ATP2B2: variants seen among roughly 807,000 people sequenced by gnomAD.
ATP2B2 encodes the protein ATPase plasma membrane Ca2+ transporting 2.
In ATP2B2, 15 loss-of-function variants were observed where a neutral mutation model predicts 120.0. The observed-to-expected ratio is 0.12, with a 90% confidence interval of 0.08 to 0.19. ATP2B2 has a LOEUF of 0.19. Ranked by LOEUF, ATP2B2 falls within the 10% of genes least tolerant of loss-of-function variation. The probability of loss-of-function intolerance (pLI) is 1.00; values close to 1 mark genes in which losing one functional copy is unlikely to be tolerated. For missense variants in ATP2B2, 1,045 were observed against 1,719.8 expected (o/e 0.61, Z 6.94); for synonymous variants, 694 against 700.3 (o/e 0.99, Z 0.14).
chr3:10,374,302 T>G (rs1049056535), intron 11 of ATP2B2, among the ~76,000 whole-genome samples: 1 of 152,170 alleles, frequency 6.6e-6, no homozygotes, highest in African/African-American at 2.4e-5. Flanking sequence ...CTGTTTGGGC[T>G]TTGGTTTGTG....
chr3:10,365,802 ATGTGTTGTAT>A, intron 12 of ATP2B2, among the ~76,000 whole-genome samples: 3 of 256 alleles, frequency 0.012, no homozygotes, highest in Non-Finnish European at 0.028. Context: ...TGTATAGTGT[ATGTGTTGTAT>A]GTGCTGTGTG....
At chr3:10,577,031 GAC>G in intron 2 of ATP2B2, among the ~76,000 whole-genome samples, 1 of 143,276 alleles carries the variant, frequency 7.0e-6, no homozygotes, top group Non-Finnish European at 1.5e-5. Flanking sequence ...CAGCCTGGGT[GAC>G]AGAGTGAGAC....
intron 5 of ATP2B2, among the ~76,000 whole-genome samples, chr3:10,398,294 A>G (rs2062108583): frequency 6.6e-6 from 1 of 152,140 alleles, no homozygotes; most frequent in South Asian, 2.1e-4. Context: ...CTTCCTGCCC[A>G]CAAGGACATC....
chr3:10,332,924 A>G (rs1295435757), intron 22 of ATP2B2, among the ~76,000 whole-genome samples: 2 of 152,316 alleles, frequency 1.3e-5, no homozygotes, highest in South Asian at 2.1e-4. Context: ...GGGACGTGCC[A>G]TTAAGTTTCC....
chr3:10,483,792 A>G lies in ATP2B2; in HGVS notation c.-320+21673T>C, dbSNP rs143085905. On this transcript the variant is annotated intron_variant, in intron 1 of 22. Transcript: ENST00000360273. ...ACGCCTTCCGGAAAAAACTTCCAAA[A>G]AGAAACTGTGGGACTGGCCCTCTCC... 8.5e-5 allele frequency among the ~76,000 whole-genome samples: 13 copies of G among 152,306 alleles called. No individual in the cohort carries two copies. The East Asian group carries it at 2.5e-3, about 29-fold the overall frequency.
In ATP2B2 at chr3:10,328,135, A is replaced by C. The variant is rs2059892083; in HGVS notation, c.*679T>G. 6.7e-6 allele frequency: 1 copy of C among 149,874 alleles called. No homozygotes were observed. Among genetic ancestry groups the C allele is most frequent in the Non-Finnish European group, 1.5e-5 (1 of 67,556 alleles). 9.3% of individuals were successfully genotyped at this position (149,874 alleles called of 1,614,324 possible). A position where few individuals can be genotyped will look rare whatever the true frequency, so the allele number is the denominator to read the frequency against. ...TGTATATATATTTATATATATATAT[A>C]TATATCTACCTATCTATATGGACGT... On this transcript the variant is annotated 3_prime_UTR_variant, in exon 23 of 23. Transcript: ENST00000360273.
intron 1 of ATP2B2, among the ~76,000 whole-genome samples, chr3:10,450,871 T>C (rs535461106): frequency 1.3e-5 from 2 of 152,114 alleles, no homozygotes; most frequent in South Asian, 2.1e-4. Context: ...CCAGCAAGCG[T>C]TGGGTGACAA....
chr3:10,479,432 C>A (rs755298396), intron 1 of ATP2B2, among the ~76,000 whole-genome samples: 19 of 152,038 alleles, frequency 1.2e-4, no homozygotes, highest in Non-Finnish European at 2.6e-4. Flanking sequence ...CTGTTCTCAG[C>A]TTAATCCCAA....
intron 1 of ATP2B2, among the ~76,000 whole-genome samples, chr3:10,486,336 T>TGC (rs1559398907): frequency 3.5e-4 from 52 of 147,354 alleles, no homozygotes; most frequent in African/African-American, 1.3e-3. Context: ...TGTGTGTGTG[T>TGC]GTGTGTGTGT....
intron 1 of ATP2B2, among the ~76,000 whole-genome samples, chr3:10,680,341 G>C (rs953419274): frequency 4.0e-5 from 6 of 151,876 alleles, no homozygotes; most frequent in African/African-American, 1.2e-4. Context: ...CCAGGTGAGT[G>C]GTAGGTTGGC....
intron 1 of ATP2B2, among the ~76,000 whole-genome samples, chr3:10,505,200 T>G (rs1054315550): frequency 8.6e-5 from 13 of 151,760 alleles, no homozygotes; most frequent in Non-Finnish European, 1.8e-4. Context: ...CCTGTCCTAG[T>G]CCCCAGCATC....
chr3:10,580,009 A>G (rs2068351232), intron 2 of ATP2B2, among the ~76,000 whole-genome samples: 1 of 152,148 alleles, frequency 6.6e-6, no homozygotes, highest in Non-Finnish European at 1.5e-5. Flanking sequence ...GGGATTCAGA[A>G]TGCAGTGATC....
intron 1 of ATP2B2, among the ~76,000 whole-genome samples, chr3:10,481,199 G>T (rs752540060): frequency 6.6e-6 from 1 of 152,218 alleles, no homozygotes; most frequent in Non-Finnish European, 1.5e-5. Context: ...TTTCTGTTAG[G>T]TGAGCCAATG....
intron 19 of ATP2B2, among the ~76,000 whole-genome samples, chr3:10,341,058 C>A (rs2060261131): frequency 6.6e-6 from 1 of 152,176 alleles, no homozygotes; most frequent in East Asian, 1.9e-4. Context: ...GGACAGGATA[C>A]CTGCGGGAGG....
rs114381689 is a variant in ATP2B2 at position 10,530,845 on chromosome 3, C to A, written c.-320+3194G>T. Reference sequence around the variant, plus strand: ...TTACAACTGCCTAATACGTTGCTGACGTGGAAATTCTGCCGATTGAACTTA... The same window carrying A: ...TTACAACTGCCTAATACGTTGCTGAAGTGGAAATTCTGCCGATTGAACTTA... On this transcript the variant is annotated intron_variant, in intron 3 of 21. Coordinates refer to the ATP2B2 transcript ENST00000646379. 3.8e-3 allele frequency among the ~76,000 whole-genome samples: 578 copies of A among 152,268 alleles called. 4 individuals carry two copies. The highest frequency in any genetic ancestry group is 0.013 in the African/African-American group (552 of 41,548).
chr3:10,515,991 G>A (rs2066869288), intron 3 of ATP2B2, among the ~76,000 whole-genome samples: 1 of 152,154 alleles, frequency 6.6e-6, no homozygotes, highest in Admixed American at 6.5e-5. Flanking sequence ...ACTTGTGAGA[G>A]CCGATTGTGT....
chr3:10,397,555 T>C (rs1391463513), intron 5 of ATP2B2, among the ~76,000 whole-genome samples: 1 of 152,034 alleles, frequency 6.6e-6, no homozygotes, highest in Non-Finnish European at 1.5e-5. Context: ...CAGGGAAGCC[T>C]TCATGGAGGA....
intron 10 of ATP2B2, among the ~76,000 whole-genome samples, chr3:10,377,252 C>A (rs2061406989): frequency 6.6e-6 from 1 of 152,118 alleles, no homozygotes; most frequent in African/African-American, 2.4e-5. Flanking sequence ...AATCCCTGGG[C>A]CCATAGCTCT....
intron 7 of ATP2B2, 53 bp downstream of exon 7, chr3:10,386,427 A>G (rs367930294): frequency 6.3e-6 from 10 of 1,596,208 alleles, no homozygotes; most frequent in Non-Finnish European, 8.6e-7. Context: ...CCAATGACCA[A>G]AGCCTGCTGC....
Sources: allele counts gnomAD v4.1 joint callset (sites outside exome capture counted in the v4.1 genomes callset), GRCh38; gene constraint gnomAD v4.1.1; transcripts MANE v1.5; gene names NCBI Gene and HGNC (gene_info 2026-07-23, HGNC 2026-07-21).